The following ZNF385C variants were observed in gnomAD, a reference collection of about 807,000 sequenced individuals.
ZNF385C encodes the protein zinc finger protein 385C, also known as CTD-2132N18.2.
ZNF385C carries 28 observed loss-of-function variants against 35.4 expected under a neutral mutation model. The ratio of observed to expected loss-of-function variants is 0.79; its 90% CI spans 0.59 to 1.08. The LOEUF is 1.08. Ranked by LOEUF, ZNF385C falls within the 50% of genes least tolerant of loss-of-function variation. ZNF385C has a pLI of 0.00. For missense variants in ZNF385C, 605 were observed against 595.6 expected (o/e 1.02, Z -0.16); for synonymous variants, 248 against 248.2 (o/e 1.00, Z 0.01).
At chr17:42,075,652 G>A (rs1212954238) in intron 1 of ZNF385C, among the ~76,000 whole-genome samples, 5 of 151,812 alleles carry the variant, frequency 3.3e-5, no homozygotes, top group Non-Finnish European at 5.9e-5. Flanking sequence ...CCACCACCAC[G>A]CCCAGCTCAT....
At chr17:42,090,777 G>A (rs2143953044) in intron 1 of ZNF385C, among the ~76,000 whole-genome samples, 1 of 152,234 alleles carries the variant, frequency 6.6e-6, no homozygotes, top group Admixed American at 6.5e-5. Context: ...AGCTACTCGG[G>A]AGGCTGAGGC....
chr17:42,025,751 G>A lies in ZNF385C; in HGVS notation c.*1146C>T, dbSNP rs1277183325. 1 of 152,438 alleles carries A rather than the reference G, an allele frequency of 6.6e-6. No individual in the cohort carries two copies. The highest frequency in any genetic ancestry group is 2.4e-5 in the African/African-American group (1 of 41,404). 9.4% of individuals were successfully genotyped at this position (152,438 alleles called of 1,614,324 possible). ...GGGTCCCATATTGTGGGGTGGGGAG[G>A]GGGCAGTGCTGCAGTGGAAAGGAGT... On this transcript the variant is annotated 3_prime_UTR_variant, in exon 9 of 9. Transcript: ENST00000692273.
chr17:42,090,707 C>A (rs2053857568), intron 1 of ZNF385C, among the ~76,000 whole-genome samples: 1 of 151,806 alleles, frequency 6.6e-6, no homozygotes, highest in Non-Finnish European at 1.5e-5. Context: ...ATGGTGAAAC[C>A]CCATCTCTAC....
intron 6 of ZNF385C, 121 bp from the exon 7 acceptor site, chr17:42,028,367 A>G: frequency 9.9e-7 from 1 of 1,005,516 alleles, no homozygotes; most frequent in South Asian, 1.8e-5. Flanking sequence ...CTGTGCACAC[A>G]TCGCCCTCCA....
rs369816945 is a variant in ZNF385C at position 42,083,605 on chromosome 17, C to T, written c.-3+14805G>A. 2.9e-4 allele frequency among the ~76,000 whole-genome samples: 44 copies of T among 150,668 alleles called. 2 individuals carry two copies. The highest frequency in any genetic ancestry group is 1.1e-3 in the African/African-American group (44 of 40,942). Reference sequence around the variant, plus strand: ...AGATTTTACATTTTACCAAGAAAATCCTGTGTTGTCTTTATTAAGTTTTTG... The same window carrying T: ...AGATTTTACATTTTACCAAGAAAATTCTGTGTTGTCTTTATTAAGTTTTTG... On this transcript the variant is annotated intron_variant, in intron 1 of 8. Transcript: ENST00000692273.
At chr17:42,032,041 T>G (rs1315211064) in intron 4 of ZNF385C, among the ~76,000 whole-genome samples, 1 of 151,948 alleles carries the variant, frequency 6.6e-6, no homozygotes. Flanking sequence ...ACCACATCTT[T>G]TTGTTGTTGT....
intron 1 of ZNF385C, among the ~76,000 whole-genome samples, chr17:42,076,633 CA>C (rs111301047): frequency 3.3e-5 from 5 of 150,312 alleles, no homozygotes; most frequent in Admixed American, 3.3e-4. Flanking sequence ...AACAAACACA[CA>C]AAAAAAACAA....
chr17:42,069,903 A>G (rs1343560680), intron 1 of ZNF385C, among the ~76,000 whole-genome samples: 1 of 152,098 alleles, frequency 6.6e-6, no homozygotes, highest in African/African-American at 2.4e-5. Flanking sequence ...ATTAGCCAAC[A>G]TGGTGGTGAG....
At position 42,028,849 on chromosome 17, in the gene ZNF385C, G is replaced by GC. The variant is rs2052659769; in HGVS notation, c.900dup (p.His301AlafsTer8). 2 of 1,550,472 alleles carry GC rather than the reference G, an allele frequency of 1.3e-6. No homozygotes were observed. Among genetic ancestry groups the GC allele is most frequent in the Non-Finnish European group, 1.7e-6 (2 of 1,146,992 alleles). On this transcript the variant is annotated frameshift_variant, in exon 6 of 9. Coordinates refer to ENST00000692273, the MANE Select transcript of ZNF385C (RefSeq NM_001392013.1). LOFTEE classifies it high-confidence loss of function. ...ACCTTACACGTGGGGCAGTAGAGGT[G>GC]CCCCTTCTCACTCCTGCCTTCCCCA...
At chr17:42,085,596 A>ATTT (rs781825380) in intron 1 of ZNF385C, among the ~76,000 whole-genome samples, 3 of 107,628 alleles carry the variant, frequency 2.8e-5, no homozygotes, top group Admixed American at 9.8e-5. Context: ...TCTGCAAAAC[A>ATTT]TTTTTTTTTT....
intron 1 of ZNF385C, among the ~76,000 whole-genome samples, chr17:42,080,342 A>G (rs1335556284): frequency 6.6e-6 from 1 of 152,170 alleles, no homozygotes; most frequent in Non-Finnish European, 1.5e-5. Flanking sequence ...AGCCAGGTTC[A>G]ACCCTGTGGA....
At chr17:42,073,092 C>A (rs1295277195) in intron 1 of ZNF385C, among the ~76,000 whole-genome samples, 5 of 152,182 alleles carry the variant, frequency 3.3e-5, no homozygotes, top group Admixed American at 3.3e-4. Flanking sequence ...ACCTCAGAAC[C>A]ACTCTGCCCA....
Position 42,025,917 on chromosome 17 carries a change from G to C in ZNF385C, c.*980C>G, listed in dbSNP as rs1367023260. The C allele has an allele frequency of 6.6e-6, 1 of 152,254 alleles. No individual in the cohort carries two copies. Among genetic ancestry groups the C allele is most frequent in the African/African-American group, 2.4e-5 (1 of 41,450 alleles). 9.4% of individuals were successfully genotyped at this position (152,254 alleles called of 1,614,324 possible). A position where few individuals can be genotyped will look rare whatever the true frequency, so the allele number is the denominator to read the frequency against. On this transcript the variant is annotated 3_prime_UTR_variant, in exon 9 of 9. Coordinates refer to ENST00000692273, the MANE Select transcript of ZNF385C (RefSeq NM_001392013.1). ...TAGTGCTAGGACCAGTTTGGAGTGG[G>C]AAGCTGTAGGGGAAAGCTCTTCCTT...
chr17:42,084,780 T>A (rs894320453), intron 1 of ZNF385C, among the ~76,000 whole-genome samples: 14 of 151,460 alleles, frequency 9.2e-5, no homozygotes, highest in Admixed American at 2.0e-4. Context: ...CCAGCTAATT[T>A]AAAAAAAAAT....
intron 2 of ZNF385C, among the ~76,000 whole-genome samples, chr17:42,041,758 G>A (rs1238196132): frequency 6.6e-6 from 1 of 152,074 alleles, no homozygotes; most frequent in Admixed American, 6.6e-5. Context: ...TCTGTAGGAT[G>A]AGATCCAACT....
chr17:42,036,798 C>T (rs782588346), intron 3 of ZNF385C, among the ~76,000 whole-genome samples: 23 of 152,040 alleles, frequency 1.5e-4, no homozygotes, highest in Non-Finnish European at 2.2e-4. Flanking sequence ...CAGAGGACCA[C>T]CCCCCAAATG....
chr17:42,047,259 C>T (rs963288351), intron 2 of ZNF385C, among the ~76,000 whole-genome samples: 35 of 152,136 alleles, frequency 2.3e-4, no homozygotes, highest in Non-Finnish European at 4.1e-4. Context: ...GTCTTGATCT[C>T]CTGACCTCGT....
Position 42,068,526 on chromosome 17 carries a change from T to TG in ZNF385C, c.-2-5469dup, listed in dbSNP as rs553976882. ...GACAAAAAGGGTCTTTTTTCTTTTT[T>TG]GGGGGGGATAGGGTTTGACTACGTT... On this transcript the variant is annotated intron_variant, in intron 1 of 8. Coordinates refer to ENST00000692273, the MANE Select transcript of ZNF385C (RefSeq NM_001392013.1). 2.6e-4 allele frequency among the ~76,000 whole-genome samples: 40 copies of TG among 152,234 alleles called. No individual in the cohort carries two copies. The East Asian group carries it at 7.2e-3, about 27-fold the overall frequency.
chr17:42,039,544 G>A (rs559922103), intron 2 of ZNF385C: 45 of 437,212 alleles, frequency 1.0e-4, no homozygotes, highest in South Asian at 1.7e-4. Context: ...CCACAGGGTG[G>A]GGGGGGTTGG....
Sources: gnomAD v4.1 joint callset for allele counts (sites outside exome capture counted in the v4.1 genomes callset) on GRCh38, gnomAD v4.1.1 for gene constraint, MANE v1.5 for transcripts, NCBI Gene and HGNC (gene_info 2026-07-23, HGNC 2026-07-21) for gene names.